The following TBX1 variants were observed in gnomAD, a reference collection of about 807,000 sequenced individuals.
TBX1 encodes T-box transcription factor 1.
TBX1 carries 16 observed loss-of-function variants against 40.8 expected under a neutral mutation model. The ratio of observed to expected loss-of-function variants is 0.39; its 90% CI spans 0.27 to 0.60. The LOEUF is 0.60. Ranked by LOEUF, TBX1 falls within the 20% of genes least tolerant of loss-of-function variation. TBX1 has a pLI of 0.51. For missense variants in TBX1, 755 were observed against 728.5 expected (o/e 1.04, Z -0.42); for synonymous variants, 403 against 336.8 (o/e 1.20, Z -2.15).
In TBX1 at chr22:19,766,577, C is replaced by T; in HGVS notation, c.1225C>T (p.Leu409=). The T allele has an allele frequency of 1.4e-6, 2 of 1,460,274 alleles. No homozygotes were observed. Among genetic ancestry groups the T allele is most frequent in the Non-Finnish European group, 9.0e-7 (1 of 1,109,186 alleles). The allele number at this position is 1,460,274 out of a possible 1,614,324, so 90.5% of individuals were successfully genotyped here. A position where few individuals can be genotyped will look rare whatever the true frequency, so the allele number is the denominator to read the frequency against. Residue 409 remains leucine, a synonymous_variant, in exon 7 of 7, where the codon CTG becomes TTG. Transcript: ENST00000649276. ...GGRPSPPNPE[L]RLEAPGASEP... ...CCGGCCCAGTCCCCCGAACCCCGAG[C>T]TGCGCCTGGAGGCGCCCGGCGCATC...
chr22:19,776,539 C>T (rs1937067679), intron 8 of TBX1, among the ~76,000 whole-genome samples: 1 of 152,168 alleles, frequency 6.6e-6, no homozygotes, highest in South Asian at 2.1e-4. Flanking sequence ...CGGGCCACCC[C>T]AGGGCCAGGC....
chr22:19,773,435 G>A lies in TBX1; in HGVS notation c.1010-5785G>A, dbSNP rs77770643. On this transcript the variant is annotated intron_variant, in intron 8 of 8. Coordinates refer to the TBX1 transcript ENST00000329705. ...AAAGAAACAGCCTAGTTATGAGAGA[G>A]ACTTGCAACTGGGGGCACCCTAGCA... Among the ~76,000 whole-genome samples, 607 of 152,308 alleles carry A rather than the reference G, an allele frequency of 4.0e-3. 5 individuals carry two copies. Among genetic ancestry groups the A allele is most frequent in the Non-Finnish European group, 7.7e-3 (521 of 68,000 alleles).
rs1936885827 is a variant in TBX1 at position 19,767,032 on chromosome 22, C to T, written c.*165C>T. 1 of 1,343,178 alleles carries T rather than the reference C, an allele frequency of 7.4e-7. No individual in the cohort carries two copies. Among genetic ancestry groups the T allele is most frequent in the Non-Finnish European group, 9.5e-7 (1 of 1,051,572 alleles). 83.2% of individuals were successfully genotyped at this position (1,343,178 alleles called of 1,614,324 possible). ...GAAGCCATGGGGGCCCCCTCGCCAC[C>T]CCCAGCCCCTTGGGCTATCGAAGTA... is the stretch of plus-strand genomic sequence containing the variant. On this transcript the variant is annotated 3_prime_UTR_variant, in exon 7 of 7. Transcript: ENST00000649276.
chr22:19,761,401 G>A, intron 1 of TBX1, 121 bp downstream of exon 1: 1 of 1,268,160 alleles, frequency 7.9e-7, no homozygotes, highest in Non-Finnish European at 1.0e-6. Context: ...CTGGCCACCT[G>A]CGGGCCCCTC....
Position 19,773,878 on chromosome 22 carries a change from G to A in TBX1, c.1010-5342G>A, listed in dbSNP as rs368571667. Among the ~76,000 whole-genome samples, 30 of 152,318 alleles carry A rather than the reference G, an allele frequency of 2.0e-4. No homozygotes were observed. In the East Asian group the frequency reaches 5.0e-3, roughly 25 times the overall value. ...CCTGGCCCCTCGGCCCTCAGCCGCC[G>A]AGTTTCCCTCCTGCAGTGGGAGGTT... On this transcript the variant is annotated intron_variant, in intron 8 of 8. Coordinates refer to the TBX1 transcript ENST00000329705.
At chr22:19,759,819 G>C (rs1471521662), upstream of TBX1, 1 of 1,052,926 alleles carries the variant, frequency 9.5e-7, no homozygotes, top group Non-Finnish European at 1.4e-6. Context: ...GGGGCAGAGA[G>C]GAAGAGCCGG....
Position 19,766,465 on chromosome 22 carries a change from G to A in TBX1, c.1113G>A (p.Pro371=), listed in dbSNP as rs1020805389. The part of the protein sequence containing the change: ...PAVLGDPAHP[P]QLLARVLSPS... ...TGCTCGGGGACCCGGCGCATCCTCC[G>A]CAGCTGCTGGCCCGGGTGCTAAGCC... Residue 371 remains proline (P), a synonymous_variant, in exon 7 of 7, where the codon CCG becomes CCA. Transcript: ENST00000649276. The A allele has an allele frequency of 4.5e-6, 6 of 1,327,138 alleles. No homozygotes were observed. The highest frequency in any genetic ancestry group is 3.4e-5 in the Admixed American group (1 of 29,452). 82.2% of individuals were successfully genotyped at this position (1,327,138 alleles called of 1,614,324 possible).
downstream of TBX1, chr22:19,783,552 C>T (rs41298854): frequency 0.015 from 2,667 of 175,662 alleles, 61 homozygotes; most frequent in African/African-American, 0.054. Flanking sequence ...CCCCACTGTC[C>T]CTGGTCTCTT....
At chr22:19,756,925 C>G (rs1319113165), upstream of TBX1, among the ~76,000 whole-genome samples, 1 of 104,532 alleles carries the variant, frequency 9.6e-6, no homozygotes, top group Non-Finnish European at 1.9e-5. Flanking sequence ...GGTGGCGGGG[C>G]GGCGGAGCGC....
intron 2 of TBX1, 133 bp from the exon 3 acceptor site, chr22:19,764,022 C>T: frequency 3.1e-6 from 3 of 961,714 alleles, no homozygotes; most frequent in African/African-American, 1.6e-5. Flanking sequence ...GCTCCCAGCA[C>T]ATGCGGCAGC....
chr22:19,766,707 G>A lies in TBX1; in HGVS notation c.1355G>A (p.Gly452Asp). Reference protein sequence around the residue: ...PAPYPLPGLRGHGYHPHAHPH... With the variant: ...PAPYPLPGLRDHGYHPHAHPH... ...CCCTACCCGCTGCCCGGCCTGCGTG[G>A]CCACGGCTACCACCCGCACGCGCAT... is the stretch of plus-strand genomic sequence containing the variant. The change falls in exon 7 of 7, where the codon GGC becomes GAC. Residue 452 changes from glycine to aspartate, a missense_variant. Coordinates refer to ENST00000649276, the MANE Select transcript of TBX1 (RefSeq NM_001379200.1). The A allele has an allele frequency of 1.3e-6, 2 of 1,543,504 alleles. No homozygotes were observed. The highest frequency in any genetic ancestry group is 2.6e-5 in the East Asian group (1 of 38,280).
downstream of TBX1, among the ~76,000 whole-genome samples, chr22:19,780,375 T>C (rs1038040527): frequency 6.6e-6 from 1 of 152,238 alleles, no homozygotes; most frequent in African/African-American, 2.4e-5. Context: ...AGCATTTGTC[T>C]TTTTGTGGCT....
At chr22:19,759,244 G>A (rs1172897328), upstream of TBX1, among the ~76,000 whole-genome samples, 1 of 152,254 alleles carries the variant, frequency 6.6e-6, no homozygotes, top group East Asian at 1.9e-4. Context: ...GGGAATGGAG[G>A]AAGGGGGCAG....
chr22:19,760,853 G>A lies in TBX1; in HGVS notation c.10G>A (p.Ala4Thr), dbSNP rs1936631918. Residue 4 changes from alanine (A) to threonine (T), a missense_variant, in exon 1 of 7, where the codon GCC becomes ACC. By Grantham distance (58) the Ala-to-Thr change is moderately conservative (BLOSUM62 0). Coordinates refer to ENST00000649276, the MANE Select transcript of TBX1 (RefSeq NM_001379200.1). ...CGGCGGCCCGCGGGTCATGATCTCCGCCGTGTCCAGCCCGTGGCTCACGCA... is the reference window on the plus strand; with the variant it reads ...CGGCGGCCCGCGGGTCATGATCTCCACCGTGTCCAGCCCGTGGCTCACGCA... Reference protein sequence around the residue: MISAVSSPWLTQLS... With the variant: MISTVSSPWLTQLS... 2 of 1,003,858 alleles carry A rather than the reference G, an allele frequency of 2.0e-6. No homozygotes were observed. Among genetic ancestry groups the A allele is most frequent in the Non-Finnish European group, 2.4e-6 (2 of 833,210 alleles). 62.2% of individuals were successfully genotyped at this position (1,003,858 alleles called of 1,614,324 possible).
rs1044127370 is a variant in TBX1 at position 19,766,853 on chromosome 22, T to A, written c.1501T>A (p.Tyr501Asn). The change falls in exon 7 of 7, where the codon TAT (tyrosine) becomes AAT (asparagine). Residue 501 changes from tyrosine (Y) to asparagine (N), a missense_variant. Tyr to Asn is a moderately radical substitution (Grantham distance 143, BLOSUM62 -2). Around this residue, in one of 3 missense-constraint regions of TBX1, gnomAD observed 412 missense variants for 317.6 expected, o/e 1.30. Transcript: ENST00000649276. ...AGCCGCGCCGCCCGGCTCCTACGAC[T>A]ATTGCCCCAGATAACACGGGCCCTG... ...AGAAPPGSYD[Y>N]CPR 1.1e-5 allele frequency: 18 copies of A among 1,579,212 alleles called. No individual in the cohort carries two copies. Among genetic ancestry groups the A allele is most frequent in the Non-Finnish European group, 1.5e-5 (17 of 1,170,812 alleles).
At chr22:19,766,111 G>A (rs1465370834) in intron 6 of TBX1, 109 bp downstream of exon 6, 26 of 1,015,796 alleles carry the variant, frequency 2.6e-5, no homozygotes, top group Non-Finnish European at 3.1e-5. Context: ...AGGCTTTCGC[G>A]CCGGTTGCAC....
chr22:19,767,101 C>T lies in TBX1; in HGVS notation c.*234C>T, dbSNP rs979441252. ...GGAGCCACCGCGGGTCCTTCCCCGG[C>T]CCCGAGGGCCAAGGGGGTCCCCGCC... On this transcript the variant is annotated 3_prime_UTR_variant, in exon 7 of 7. Coordinates refer to ENST00000649276, the MANE Select transcript of TBX1 (RefSeq NM_001379200.1). 1.0e-4 allele frequency: 129 copies of T among 1,259,394 alleles called. No individual in the cohort carries two copies. The highest frequency in any genetic ancestry group is 1.2e-4 in the Non-Finnish European group (123 of 1,004,598). The allele number at this position is 1,259,394 out of a possible 1,614,324, so 78.0% of individuals were successfully genotyped here. A position where few individuals can be genotyped will look rare whatever the true frequency, so the allele number is the denominator to read the frequency against.
rs1238160485 is a variant in TBX1 at position 19,766,551 on chromosome 22, G to C, written c.1199G>C (p.Gly400Ala). Residue 400 changes from glycine to alanine, a missense_variant, in exon 7 of 7, where the codon GGC becomes GCC. Physicochemically the swap from Gly to Ala is moderately conservative, Grantham distance 60. Around this residue, in one of 3 missense-constraint regions of TBX1, gnomAD observed 412 missense variants for 317.6 expected, o/e 1.30. Transcript: ENST00000649276. ...GTCCCGCTGCCCGGCGCGCCCGGAG[G>C]CCGGCCCAGTCCCCCGAACCCCGAG... ...GLVPLPGAPGGRPSPPNPELR... is the reference protein window; with the variant it reads ...GLVPLPGAPGARPSPPNPELR... 4.3e-6 allele frequency: 6 copies of C among 1,387,300 alleles called. No individual in the cohort carries two copies. The African/African-American group carries it at 4.5e-5, about 10-fold the overall frequency. The allele number at this position is 1,387,300 out of a possible 1,614,324, so 85.9% of individuals were successfully genotyped here. A position where few individuals can be genotyped will look rare whatever the true frequency, so the allele number is the denominator to read the frequency against.
At chr22:19,762,298 T>G (rs936301652) in intron 1 of TBX1, among the ~76,000 whole-genome samples, 1 of 152,014 alleles carries the variant, frequency 6.6e-6, no homozygotes, top group African/African-American at 2.4e-5. Context: ...AGGCTTCGGG[T>G]GGGGGAGGGA....
Sources: allele counts gnomAD v4.1 joint callset (sites outside exome capture counted in the v4.1 genomes callset), GRCh38; gene constraint gnomAD v4.1.1; regional missense constraint gnomAD v4.1.1; transcripts MANE v1.5; gene names NCBI Gene and HGNC (gene_info 2026-07-23, HGNC 2026-07-21).